Variants in TCF7L1 observed in about 807,000 individuals in gnomAD.
The protein encoded by TCF7L1 is transcription factor 7-like 1.
TCF7L1 carries 18 observed loss-of-function variants against 63.7 expected under a neutral mutation model. That is an observed-to-expected ratio of 0.28 (90% CI 0.20 to 0.42). The LOEUF (loss-of-function observed/expected upper bound fraction) is 0.42. Ranked by LOEUF, TCF7L1 falls within the 10% of genes least tolerant of loss-of-function variation. The probability of loss-of-function intolerance (pLI) is 1.00; values close to 1 mark genes in which losing one functional copy is unlikely to be tolerated. For synonymous variants in TCF7L1, 355 were observed against 340.9 expected, an observed-to-expected ratio of 1.04 and a Z score of -0.46; for missense variants, 654 against 779.3, an observed-to-expected ratio of 0.84 and a Z score of 1.91.
At chr2:85,265,541 C>T (rs1680947696) in intron 3 of TCF7L1, among the ~76,000 whole-genome samples, 1 of 151,896 alleles carries the variant, frequency 6.6e-6, no homozygotes, top group African/African-American at 2.4e-5. Context: ...TGGACCCTTC[C>T]TCAGCCAAGG....
intron 3 of TCF7L1, among the ~76,000 whole-genome samples, chr2:85,169,770 A>G (rs375531048): frequency 5.6e-4 from 86 of 152,250 alleles, no homozygotes; most frequent in African/African-American, 2.0e-3. Flanking sequence ...ACCAGCTCCC[A>G]TGATGCAGGG....
intron 3 of TCF7L1, chr2:85,262,262 G>C: frequency 1.9e-6 from 1 of 520,254 alleles, no homozygotes; most frequent in Non-Finnish European, 3.9e-6. Context: ...AGATGAGGTT[G>C]ATGGGCGCAT....
intron 3 of TCF7L1, among the ~76,000 whole-genome samples, chr2:85,238,950 G>C (rs1000167681): frequency 2.0e-5 from 3 of 151,938 alleles, no homozygotes; most frequent in African/African-American, 7.3e-5. Context: ...CTTCCAAGTA[G>C]CTGGGACTAC....
intron 3 of TCF7L1, among the ~76,000 whole-genome samples, chr2:85,218,750 T>G (rs557339021): frequency 6.6e-6 from 1 of 152,294 alleles, no homozygotes; most frequent in Non-Finnish European, 1.5e-5. Flanking sequence ...AAAAGAACAC[T>G]GCTTGATTAT....
At chr2:85,140,186 G>A (rs1388729962) in intron 3 of TCF7L1, among the ~76,000 whole-genome samples, 4 of 152,076 alleles carry the variant, frequency 2.6e-5, no homozygotes, top group African/African-American at 9.7e-5. Context: ...GGGTGGGGAG[G>A]CCTCCCCAGT....
At chr2:85,173,935 C>T (rs1287064152) in intron 3 of TCF7L1, among the ~76,000 whole-genome samples, 1 of 152,130 alleles carries the variant, frequency 6.6e-6, no homozygotes, top group African/African-American at 2.4e-5. Context: ...CAAGGTTTCA[C>T]CATGTTGGTC....
intron 3 of TCF7L1, among the ~76,000 whole-genome samples, chr2:85,254,174 C>T (rs1680652814): frequency 6.6e-6 from 1 of 152,266 alleles, no homozygotes. Flanking sequence ...AGACTTGCTG[C>T]CACTGCAAAC....
At position 85,306,079 on chromosome 2, in the gene TCF7L1, A is replaced by G; in HGVS notation, c.990-127A>G. Reference sequence around the variant, plus strand: ...AGGTGTTGAGTGCAGCCATGGGGCCACTTGAATTAGCATCCAGGCAGCCCG... The same window carrying G: ...AGGTGTTGAGTGCAGCCATGGGGCCGCTTGAATTAGCATCCAGGCAGCCCG... On this transcript the variant is annotated intron_variant, in intron 8 of 11. Coordinates refer to ENST00000282111, the MANE Select transcript of TCF7L1 (RefSeq NM_031283.3). This position sits in a 1 kb window ranked among gnomAD's most constrained non-coding sequence, Gnocchi z 4.3. 5 of 1,107,820 alleles carry G rather than the reference A, an allele frequency of 4.5e-6. No homozygotes were observed. The highest frequency in any genetic ancestry group is 1.5e-5 in the South Asian group (1 of 67,282). The allele number at this position is 1,107,820 out of a possible 1,614,324, so 68.6% of individuals were successfully genotyped here.
At position 85,251,556 on chromosome 2, in the gene TCF7L1, G is replaced by A. The variant is rs536927502; in HGVS notation, c.442-31939G>A. On this transcript the variant is annotated intron_variant, in intron 3 of 11. Coordinates refer to ENST00000282111, the MANE Select transcript of TCF7L1 (RefSeq NM_031283.3). ...GTTAGAACCCAAGTCTCTGGGCCCC[G>A]CTTGAGGCTGTTTACCTCTTCAGGA... 1.9e-4 allele frequency among the ~76,000 whole-genome samples: 29 copies of A among 152,258 alleles called. No individual in the cohort carries two copies. In the South Asian group the frequency reaches 4.8e-3, roughly 25 times the overall value.
chr2:85,242,720 C>T (rs1481080051), intron 3 of TCF7L1, among the ~76,000 whole-genome samples: 6 of 152,188 alleles, frequency 3.9e-5, no homozygotes, highest in African/African-American at 1.4e-4. Context: ...CCACTTTCTC[C>T]CCTTCCACAC....
chr2:85,138,597 A>C (rs1455621576), intron 3 of TCF7L1, among the ~76,000 whole-genome samples: 1 of 152,000 alleles, frequency 6.6e-6, no homozygotes, highest in Non-Finnish European at 1.5e-5. Context: ...TCGCCCTTGG[A>C]TTGCTGGGGT....
intron 3 of TCF7L1, among the ~76,000 whole-genome samples, chr2:85,180,626 G>A (rs545900727): frequency 2.0e-5 from 3 of 152,048 alleles, no homozygotes; most frequent in Non-Finnish European, 4.4e-5. Context: ...TGCCTTTCAC[G>A]TTCTTCAGAG....
chr2:85,150,972 A>G (rs982375098), intron 3 of TCF7L1, among the ~76,000 whole-genome samples: 3 of 152,162 alleles, frequency 2.0e-5, no homozygotes, highest in Non-Finnish European at 2.9e-5. Context: ...TAATTTTTTC[A>G]GTTGCTAGAT....
intron 3 of TCF7L1, among the ~76,000 whole-genome samples, chr2:85,231,691 C>T (rs984645826): frequency 5.9e-5 from 9 of 152,178 alleles, no homozygotes; most frequent in African/African-American, 7.2e-5. Flanking sequence ...TCGACTCCCC[C>T]AAAAGTTATT....
chr2:85,269,106 G>C (rs1261478180), intron 3 of TCF7L1, among the ~76,000 whole-genome samples: 1 of 152,144 alleles, frequency 6.6e-6, no homozygotes, highest in African/African-American at 2.4e-5. Context: ...TGTGTCCTGG[G>C]ATGCTCTGAC....
At chr2:85,154,414 A>G (rs1183357205) in intron 3 of TCF7L1, among the ~76,000 whole-genome samples, 5 of 152,182 alleles carry the variant, frequency 3.3e-5, no homozygotes, top group African/African-American at 1.2e-4. Context: ...GCTGGGCTTC[A>G]TTTCTGCAGG....
chr2:85,235,747 C>T (rs772656611), intron 3 of TCF7L1, among the ~76,000 whole-genome samples: 1 of 152,078 alleles, frequency 6.6e-6, no homozygotes, highest in South Asian at 2.1e-4. Context: ...GGGCCAGGTG[C>T]GGTGTGGCTC....
chr2:85,232,305 G>A (rs188089595), intron 3 of TCF7L1, among the ~76,000 whole-genome samples: 1 of 152,246 alleles, frequency 6.6e-6, no homozygotes, highest in Non-Finnish European at 1.5e-5. Context: ...CCGGTCAAGC[G>A]ATCTGTATAC....
At chr2:85,257,997 A>T (rs1460504384) in intron 3 of TCF7L1, among the ~76,000 whole-genome samples, 1 of 152,204 alleles carries the variant, frequency 6.6e-6, no homozygotes. Context: ...GTGGCCTTGG[A>T]TAAATTAAAA....
Sources: gnomAD v4.1 joint callset for allele counts (sites outside exome capture counted in the v4.1 genomes callset) on GRCh38, gnomAD v4.1.1 for gene constraint, Gnocchi (gnomAD v3.1) non-coding constraint, MANE v1.5 for transcripts, NCBI Gene and HGNC (gene_info 2026-07-23, HGNC 2026-07-21) for gene names.